Variants in ENTREP2 observed in about 807,000 individuals in gnomAD.
ENTREP2 encodes the protein endosomal transmembrane epsin interactor 2.
chr15:29,608,810 GCCC>G, the ENTREP2 span, among the ~76,000 whole-genome samples: 1 of 151,512 alleles, frequency 6.6e-6, no homozygotes, highest in African/African-American at 2.4e-5. Flanking sequence ...CTCGTGATGC[GCCC>G]GCCTCGGCCT....
the ENTREP2 span, among the ~76,000 whole-genome samples, chr15:29,134,236 A>C: frequency 1.3e-5 from 2 of 152,246 alleles, no homozygotes; most frequent in African/African-American, 2.4e-5. Flanking sequence ...CTTTATAAAA[A>C]CACCTAAGAA....
chr15:29,494,947 G>C, the ENTREP2 span, among the ~76,000 whole-genome samples: 1 of 151,576 alleles, frequency 6.6e-6, no homozygotes, highest in South Asian at 2.1e-4. Flanking sequence ...TTTATCCACT[G>C]ATGGACATTA....
chr15:29,309,372 T>C, the ENTREP2 span, among the ~76,000 whole-genome samples: 1 of 152,174 alleles, frequency 6.6e-6, no homozygotes, highest in Non-Finnish European at 1.5e-5. Flanking sequence ...CTCACTTGCT[T>C]TCCCACAGAG....
the ENTREP2 span, among the ~76,000 whole-genome samples, chr15:29,559,356 C>T: frequency 1.3e-5 from 2 of 152,106 alleles, no homozygotes; most frequent in African/African-American, 2.4e-5. Flanking sequence ...GGATTTCTGA[C>T]TAATCATCTT....
At chr15:29,572,458 A>T in the ENTREP2 span, among the ~76,000 whole-genome samples, 1 of 152,060 alleles carries the variant, frequency 6.6e-6, no homozygotes, top group African/African-American at 2.4e-5. Flanking sequence ...TTCGCATTTG[A>T]TCATCTCCCC....
At chr15:29,358,023 T>C in the ENTREP2 span, among the ~76,000 whole-genome samples, 2 of 152,018 alleles carry the variant, frequency 1.3e-5, no homozygotes, top group South Asian at 2.1e-4. Flanking sequence ...GGGAAAACCA[T>C]GCGACATCAT....
At chr15:29,647,605 T>TAAA in the ENTREP2 span, among the ~76,000 whole-genome samples, 14 of 152,320 alleles carry the variant, frequency 9.2e-5, no homozygotes, top group African/African-American at 2.6e-4. Flanking sequence ...TTATTTAGAA[T>TAAA]GACTAACAGT....
At chr15:29,246,465 C>T in the ENTREP2 span, among the ~76,000 whole-genome samples, 1 of 150,082 alleles carries the variant, frequency 6.7e-6, no homozygotes, top group Non-Finnish European at 1.5e-5. Flanking sequence ...GAGGCTGAGG[C>T]AGGTGGATCG....
chr15:29,488,175 A>C, the ENTREP2 span, among the ~76,000 whole-genome samples: 1 of 152,246 alleles, frequency 6.6e-6, no homozygotes, highest in Admixed American at 6.5e-5. Flanking sequence ...AAGGAGCTAA[A>C]GGAAATCAGG....
chr15:29,142,782 T>C, the ENTREP2 span, among the ~76,000 whole-genome samples: 1 of 152,122 alleles, frequency 6.6e-6, no homozygotes, highest in Non-Finnish European at 1.5e-5. Context: ...TAGATGATAT[T>C]CCTGAGGCTG....
the ENTREP2 span, among the ~76,000 whole-genome samples, chr15:29,254,178 A>AAAAAAAAAAAAT: frequency 6.7e-6 from 1 of 149,950 alleles, no homozygotes. Context: ...AAAAAAAAAA[A>AAAAAAAAAAAAT]AAAAAAAAAA....
At chr15:29,345,618 G>A in the ENTREP2 span, among the ~76,000 whole-genome samples, 2 of 152,150 alleles carry the variant, frequency 1.3e-5, no homozygotes, top group South Asian at 2.1e-4. Flanking sequence ...CATTCTGTAC[G>A]GCTCCAGGCA....
chr15:29,168,345 C>A, the ENTREP2 span, among the ~76,000 whole-genome samples: 1 of 152,154 alleles, frequency 6.6e-6, no homozygotes, highest in East Asian at 1.9e-4. Context: ...TTTAAAAAAA[C>A]CTACTACACA....
chr15:29,226,781 C>G, the ENTREP2 span, among the ~76,000 whole-genome samples: 1 of 152,158 alleles, frequency 6.6e-6, no homozygotes, highest in Non-Finnish European at 1.5e-5. Flanking sequence ...GAAATTCAAA[C>G]AGGCTTTGGA....
the ENTREP2 span, among the ~76,000 whole-genome samples, chr15:29,349,878 T>G: frequency 6.6e-6 from 1 of 152,100 alleles, no homozygotes; most frequent in South Asian, 2.1e-4. Flanking sequence ...CCAGCGTGGG[T>G]GACAGAGCGA....
chr15:29,391,762 TTTTAG>T, the ENTREP2 span, among the ~76,000 whole-genome samples: 4 of 152,348 alleles, frequency 2.6e-5, no homozygotes, highest in African/African-American at 9.6e-5. Flanking sequence ...TTTAAAATAT[TTTTAG>T]TTTAAAAATT....
At chr15:29,336,424 ACC>A in the ENTREP2 span, among the ~76,000 whole-genome samples, 33 of 151,792 alleles carry the variant, frequency 2.2e-4, no homozygotes, top group African/African-American at 7.0e-4. Context: ...CAACCCTCCC[ACC>A]TTGCCTCCCA....
the ENTREP2 span, among the ~76,000 whole-genome samples, chr15:29,565,071 C>T: frequency 1.3e-5 from 2 of 152,118 alleles, no homozygotes; most frequent in Non-Finnish European, 2.9e-5. Flanking sequence ...AAAATTGATG[C>T]ACTATATTAA....
chr15:29,454,366 C>G, the ENTREP2 span, among the ~76,000 whole-genome samples: 14 of 152,020 alleles, frequency 9.2e-5, no homozygotes, highest in Admixed American at 2.6e-4. Context: ...CCTGATTTAC[C>G]AATTCTGTTG....
Sources: gnomAD v4.1 joint callset for allele counts (sites outside exome capture counted in the v4.1 genomes callset) on GRCh38, gnomAD v4.1.1 for gene constraint, MANE v1.5 for transcripts, NCBI Gene and HGNC (gene_info 2026-07-23, HGNC 2026-07-21) for gene names.